The following FRMPD4 variants were observed in gnomAD, a reference collection of about 807,000 sequenced individuals.
FRMPD4 encodes the protein FERM and PDZ domain-containing protein 4.
FRMPD4 carries 22 observed loss-of-function variants against 94.1 expected under a neutral mutation model. That is an observed-to-expected ratio of 0.23 (90% CI 0.17 to 0.33). The LOEUF (loss-of-function observed/expected upper bound fraction) is 0.33. FRMPD4 is among the 10% of genes least tolerant of loss of function. FRMPD4 has a pLI of 1.00. For synonymous variants in FRMPD4, 631 were observed against 548.6 expected (o/e 1.15, Z -2.10); for missense variants, 1,111 against 1,339.9 (o/e 0.83, Z 2.67).
chrX:12,523,443 T>C (rs921123552), intron 2 of FRMPD4, among the ~76,000 whole-genome samples: 3 of 111,876 alleles, frequency 2.7e-5, no homozygotes, highest in Non-Finnish European at 3.8e-5. Flanking sequence ...GTTGCATTTA[T>C]AGGAAAATGA....
chrX:12,261,719 C>T (rs373617235), intron 1 of FRMPD4, among the ~76,000 whole-genome samples: 1 of 111,824 alleles, frequency 8.9e-6, no homozygotes, highest in East Asian at 2.8e-4. Context: ...AATAGTAAAA[C>T]AACCCTGTAC....
At chrX:11,984,991 A>T (rs1057041763) in intron 3 of FRMPD4, among the ~76,000 whole-genome samples, 1 of 112,041 alleles carries the variant, frequency 8.9e-6, no homozygotes, top group Non-Finnish European at 1.9e-5. Flanking sequence ...ATGAGGTACT[A>T]TTTCACACCC....
intron 2 of FRMPD4, among the ~76,000 whole-genome samples, chrX:12,552,532 G>C (rs983021568): frequency 9.0e-6 from 1 of 111,571 alleles, no homozygotes; most frequent in African/African-American, 3.3e-5. Flanking sequence ...TGTCCTTAGG[G>C]TATATTCCAC....
chrX:12,191,120 G>C (rs1319135186), intron 1 of FRMPD4, among the ~76,000 whole-genome samples: 1 of 112,270 alleles, frequency 8.9e-6, no homozygotes, highest in Non-Finnish European at 1.9e-5. Flanking sequence ...AAAGAAGAGA[G>C]ATGGCAAATA....
chrX:12,379,531 C>A (rs1001799879), intron 1 of FRMPD4, among the ~76,000 whole-genome samples: 2 of 111,291 alleles, frequency 1.8e-5, no homozygotes, highest in Admixed American at 9.6e-5. Context: ...TCACCCTGTA[C>A]AACAGAATCT....
intron 1 of FRMPD4, among the ~76,000 whole-genome samples, chrX:12,436,006 CTTTTA>C (rs950396979): frequency 4.5e-5 from 5 of 111,328 alleles, no homozygotes; most frequent in African/African-American, 9.8e-5. Context: ...TTATGTCCCT[CTTTTA>C]TTTTCTTTTT....
chrX:12,501,131 A>G (rs1369636459), intron 2 of FRMPD4, among the ~76,000 whole-genome samples: 1 of 112,447 alleles, frequency 8.9e-6, no homozygotes, highest in East Asian at 2.8e-4. Context: ...AGCATCGCTG[A>G]CATTTTTAAG....
At chrX:12,350,159 C>A (rs2055779302) in intron 1 of FRMPD4, among the ~76,000 whole-genome samples, 1 of 111,167 alleles carries the variant, frequency 9.0e-6, no homozygotes, top group Admixed American at 9.5e-5. Flanking sequence ...TTATCAGCAG[C>A]AAAACACAAA....
chrX:12,518,780 A>T (rs1163305470), intron 2 of FRMPD4, among the ~76,000 whole-genome samples: 1 of 111,433 alleles, frequency 9.0e-6, no homozygotes, highest in Non-Finnish European at 1.9e-5. Flanking sequence ...TTCACAGATG[A>T]CACGAGCTTA....
intron 1 of FRMPD4, among the ~76,000 whole-genome samples, chrX:12,309,797 A>G (rs2055002367): frequency 8.9e-6 from 1 of 112,945 alleles, no homozygotes; most frequent in African/African-American, 3.2e-5. Context: ...ACCTTGGATC[A>G]GCATTCAGGC....
chrX:12,537,724 C>T (rs753820317), intron 2 of FRMPD4, among the ~76,000 whole-genome samples: 33 of 109,899 alleles, frequency 3.0e-4, no homozygotes, highest in Non-Finnish European at 5.3e-4. Flanking sequence ...CCCCACCCTT[C>T]ACCTCAGCCT....
intron 4 of FRMPD4, among the ~76,000 whole-genome samples, chrX:12,660,397 CACAAGTCCA>C: frequency 9.0e-6 from 1 of 111,661 alleles, no homozygotes; most frequent in African/African-American, 3.3e-5. Context: ...CCCCATTCTC[CACAAGTCCA>C]TAATTAATGT....
chrX:12,358,610 C>T (rs752011160), intron 1 of FRMPD4, among the ~76,000 whole-genome samples: 8 of 111,728 alleles, frequency 7.2e-5, no homozygotes, highest in African/African-American at 2.3e-4. Context: ...TTTACCCTTC[C>T]GTTTTAAATC....
chrX:12,230,816 G>A (rs781689847), intron 1 of FRMPD4, among the ~76,000 whole-genome samples: 135 of 96,976 alleles, frequency 1.4e-3, no homozygotes, highest in African/African-American at 4.3e-3. Context: ...TCACCCTCCC[G>A]TCTATTTTTT....
intron 3 of FRMPD4, among the ~76,000 whole-genome samples, chrX:12,037,368 G>A (rs1304880185): frequency 1.8e-5 from 2 of 110,803 alleles, no homozygotes; most frequent in African/African-American, 3.3e-5. Flanking sequence ...AGAACATTTC[G>A]ATCATACCAA....
chrX:12,288,598 A>G (rs1448266455), intron 1 of FRMPD4, among the ~76,000 whole-genome samples: 20 of 111,343 alleles, frequency 1.8e-4, no homozygotes, highest in Admixed American at 1.5e-3. Context: ...CTATTTTCCA[A>G]ATTCATCTTA....
chrX:12,198,958 A>G (rs1032031204), intron 1 of FRMPD4, among the ~76,000 whole-genome samples: 3 of 112,180 alleles, frequency 2.7e-5, no homozygotes, highest in African/African-American at 9.7e-5. Context: ...TCCTGTATCT[A>G]AATGAATTTT....
rs192361817 is a variant in FRMPD4 at position 12,483,186 on chromosome X, T to G, written c.42-15494T>G. 2.5e-3 allele frequency among the ~76,000 whole-genome samples: 282 copies of G among 111,720 alleles called. 1 individual carries two copies. Among genetic ancestry groups the G allele is most frequent in the African/African-American group, 8.6e-3 (263 of 30,745 alleles). ...TTTGGGGGAATGAACATGAGTTCAGTTTTGGATGTGTTGAATTTAAGATGT... is the reference window on the plus strand; with the variant it reads ...TTTGGGGGAATGAACATGAGTTCAGGTTTGGATGTGTTGAATTTAAGATGT... On this transcript the variant is annotated intron_variant, in intron 1 of 16. Coordinates refer to ENST00000675598, the MANE Select transcript of FRMPD4 (RefSeq NM_001368397.1).
intron 2 of FRMPD4, among the ~76,000 whole-genome samples, chrX:12,590,891 T>C (rs2058976352): frequency 1.8e-5 from 2 of 112,169 alleles, no homozygotes; most frequent in South Asian, 7.5e-4. Flanking sequence ...GCTATTGACA[T>C]GACTCTGAAA....
Sources: gnomAD v4.1 joint callset for allele counts (sites outside exome capture counted in the v4.1 genomes callset) on GRCh38, gnomAD v4.1.1 for gene constraint, MANE v1.5 for transcripts, NCBI Gene and HGNC (gene_info 2026-07-23, HGNC 2026-07-21) for gene names.